Variants in APOH observed in about 807,000 individuals in gnomAD.
APOH encodes the protein apolipoprotein H.
Under a neutral mutation model 39.8 loss-of-function variants are expected in APOH, and 48 were observed. The ratio of observed to expected loss-of-function variants is 1.21; its 90% CI spans 0.96 to 1.54. The LOEUF (loss-of-function observed/expected upper bound fraction) is 1.54. Ranked by LOEUF, APOH falls within the 40% of genes most tolerant of loss-of-function variation. The probability of loss-of-function intolerance (pLI) is 0.00; values close to 1 mark genes in which losing one functional copy is unlikely to be tolerated. For synonymous variants in APOH, 153 were observed against 151.1 expected (o/e 1.01, Z -0.09); for missense variants, 415 against 421.2 (o/e 0.99, Z 0.13).
At chr17:66,227,876 C>A in intron 2 of APOH, 144 bp downstream of exon 2, 1 of 790,130 alleles carries the variant, frequency 1.3e-6, no homozygotes, top group South Asian at 1.8e-5. Flanking sequence ...GAGAACTCCC[C>A]AAGACCTTCT....
rs369169198 is a variant in APOH, at chr17:66,221,266, AAAGGAAGG to A, written c.416-532_416-525del. Among the ~76,000 whole-genome samples, 28 of 120,556 alleles carry A rather than the reference AAAGGAAGG, an allele frequency of 2.3e-4. No individual in the cohort carries two copies. In the East Asian group the frequency reaches 3.2e-3, roughly 14 times the overall value. The allele number at this position is 120,556 out of a possible 152,430, so 79.1% of individuals were successfully genotyped here. ...CAGAAAGAAAGAGAGAGAGAGAAAG[AAAGGAAGG>A]AAGGAAGGAAGGAAGGAAGTCAGAA... On this transcript the variant is annotated intron_variant, in intron 4 of 7. Transcript: ENST00000205948.
chr17:66,214,164 A>AT (rs1453434912), intron 7 of APOH, among the ~76,000 whole-genome samples: 1 of 152,094 alleles, frequency 6.6e-6, no homozygotes, highest in Non-Finnish European at 1.5e-5. Flanking sequence ...GGTTCAAGTG[A>AT]TGCTCCTGCC....
Position 66,214,516 on chromosome 17 carries a change from A to G in APOH, c.919T>C (p.Cys307Arg). The part of the protein sequence containing the change: ...SFFCKNKEKK[C>R]SYTEDAQCID... ...CACTGAGCATCCTCTGTATAGCTAC[A>G]CTTCTTTTCCTTATTTTTGCAGAAG... Residue 307 changes from cysteine (C) to arginine (R), a missense_variant, in exon 7 of 8, where the codon TGT (cysteine) becomes CGT (arginine). Around this residue, in one of 3 missense-constraint regions of APOH, gnomAD observed 120 missense variants for 110.6 expected, o/e 1.08. Coordinates refer to ENST00000205948, the MANE Select transcript of APOH (RefSeq NM_000042.3). 1 of 1,614,080 alleles carries G rather than the reference A, an allele frequency of 6.2e-7. No homozygotes were observed.
chr17:66,220,892 C>T, intron 4 of APOH, 150 bp from the exon 5 acceptor site: 1 of 839,968 alleles, frequency 1.2e-6, no homozygotes, highest in South Asian at 2.0e-5. Flanking sequence ...TTGTGGATGC[C>T]TAATAGGAAA....
chr17:66,219,212 G>T (rs1242559114), intron 5 of APOH, among the ~76,000 whole-genome samples: 2 of 151,994 alleles, frequency 1.3e-5, no homozygotes, highest in Non-Finnish European at 2.9e-5. Flanking sequence ...GATTATTATT[G>T]TTAATAATCC....
At position 66,223,738 on chromosome 17, in the gene APOH, A is replaced by G. The variant is rs2073417537; in HGVS notation, c.375T>C (p.Thr125=). ...YLNGADSAKC[T]EEGKWSPELP... is the part of the protein sequence containing the mutation. ...GCTCCGGGCTCCATTTTCCTTCCTC[A>G]GTGCACTTGGCAGAATCAGCGCCAT... Residue 125 remains threonine (T), a synonymous_variant, in exon 4 of 8, where the codon ACT becomes ACC. Coordinates refer to ENST00000205948, the MANE Select transcript of APOH (RefSeq NM_000042.3). The G allele has an allele frequency of 6.2e-7, 1 of 1,614,168 alleles. No individual in the cohort carries two copies. Among genetic ancestry groups the G allele is most frequent in the Non-Finnish European group, 8.5e-7 (1 of 1,180,020 alleles).
At chr17:66,228,264 C>A in intron 1 of APOH, 68 bp from the exon 2 acceptor site, 3 of 1,530,184 alleles carry the variant, frequency 2.0e-6, no homozygotes, top group Admixed American at 1.9e-5. Context: ...GCTAAGCCCA[C>A]AAATGAAAAA....
chr17:66,225,003 G>T (rs1465953978), intron 3 of APOH, among the ~76,000 whole-genome samples: 1 of 151,578 alleles, frequency 6.6e-6, no homozygotes, highest in Non-Finnish European at 1.5e-5. Context: ...GGAGGTGGAG[G>T]TTGCAGTGAG....
At chr17:66,228,309 T>G in intron 1 of APOH, 113 bp from the exon 2 acceptor site, 2 of 1,126,508 alleles carry the variant, frequency 1.8e-6, no homozygotes, top group Non-Finnish European at 2.5e-6. Flanking sequence ...GCATACCAAG[T>G]TGCATGCCAA....
chr17:66,216,868 T>A lies in APOH; in HGVS notation c.704A>T (p.His235Leu), dbSNP rs1258068450. The stretch of plus-strand genomic sequence containing the variant: ...CGGGCCATCCAGAGAATATCCATCA[T>A]GGCAGCCAAATGTGGCTTTATCCTT... ...YYKDKATFGCHDGYSLDGPEE... is the reference protein window; with the variant it reads ...YYKDKATFGCLDGYSLDGPEE... Residue 235 changes from histidine (H) to leucine (L), a missense_variant, in exon 6 of 8, where the codon CAT (histidine) becomes CTT (leucine). Coordinates refer to ENST00000205948, the MANE Select transcript of APOH (RefSeq NM_000042.3). The A allele has an allele frequency of 1.2e-6, 2 of 1,613,378 alleles. No homozygotes were observed. The highest frequency in any genetic ancestry group is 2.7e-5 in the African/African-American group (2 of 74,932).
chr17:66,228,221 G>A (rs1200183212), intron 1 of APOH, 25 bp from the exon 2 acceptor site: 10 of 1,596,338 alleles, frequency 6.3e-6, no homozygotes, highest in Non-Finnish European at 7.7e-6. Context: ...AAAGCAGATG[G>A]TTAACAAATC....
chr17:66,223,571 A>G, intron 4 of APOH, 127 bp downstream of exon 4: 1 of 775,402 alleles, frequency 1.3e-6, no homozygotes, highest in Non-Finnish European at 2.2e-6. Flanking sequence ...CAGGATGAAT[A>G]TCCCCCACAA....
intron 7 of APOH, 107 bp downstream of exon 7, chr17:66,214,346 A>C: frequency 9.2e-7 from 1 of 1,091,898 alleles, no homozygotes; most frequent in Non-Finnish European, 1.4e-6. Context: ...GGCGTGACCC[A>C]CCGCACCTGG....
rs1350176353 is a variant in APOH at position 66,228,139 on chromosome 17, T to C, written c.122A>G (p.Tyr41Cys). The C allele has an allele frequency of 1.9e-5, 30 of 1,614,060 alleles. No individual in the cohort carries two copies. The highest frequency in any genetic ancestry group is 1.6e-4 in the Middle Eastern group (1 of 6,084). Reference protein sequence around the residue: ...FSTVVPLKTFYEPGEEITYSC... With the variant: ...FSTVVPLKTFCEPGEEITYSC... ...ATACGTAATCTCTTCTCCTGGCTCA[T>C]AGAATGTTTTTAACGGGACCACTGT... Residue 41 changes from tyrosine (Y) to cysteine (C), a missense_variant, in exon 2 of 8, where the codon TAT (tyrosine) becomes TGT (cysteine). Tyr to Cys is a radical substitution (Grantham distance 194). This residue lies in a region of APOH where 288 missense variants were observed against 284.9 expected (regional missense o/e 1.01). Coordinates refer to ENST00000205948, the MANE Select transcript of APOH (RefSeq NM_000042.3).
At chr17:66,216,018 A>G (rs1469129836) in intron 6 of APOH, among the ~76,000 whole-genome samples, 1 of 152,026 alleles carries the variant, frequency 6.6e-6, no homozygotes, top group East Asian at 1.9e-4. Context: ...GGTTTTTGCA[A>G]TGAGAAGAGC....
chr17:66,216,391 G>A (rs2073365616), intron 6 of APOH, among the ~76,000 whole-genome samples: 1 of 151,820 alleles, frequency 6.6e-6, no homozygotes, highest in South Asian at 2.1e-4. Context: ...GGCTGAGGTA[G>A]GAGAATTGCT....
chr17:66,224,725 A>G (rs2073427968), intron 3 of APOH, among the ~76,000 whole-genome samples: 1 of 136,926 alleles, frequency 7.3e-6, no homozygotes, highest in Non-Finnish European at 1.6e-5. Context: ...AAGGAAAGGA[A>G]AGGAAAGGAA....
intron 2 of APOH, among the ~76,000 whole-genome samples, chr17:66,226,804 C>A (rs1358036579): frequency 6.6e-6 from 1 of 151,854 alleles, no homozygotes; most frequent in Non-Finnish European, 1.5e-5. Flanking sequence ...CTGCTCTCTG[C>A]AGTAATGCAA....
At chr17:66,219,173 C>T (rs1398958474) in intron 5 of APOH, among the ~76,000 whole-genome samples, 11 of 152,010 alleles carry the variant, frequency 7.2e-5, no homozygotes, top group Admixed American at 5.2e-4. Flanking sequence ...TGCATGATAT[C>T]GTTGTTGTTA....
Sources: gnomAD v4.1 joint callset for allele counts (sites outside exome capture counted in the v4.1 genomes callset) on GRCh38, gnomAD v4.1.1 for gene constraint, gnomAD v4.1.1 regional missense constraint, MANE v1.5 for transcripts, NCBI Gene and HGNC (gene_info 2026-07-23, HGNC 2026-07-21) for gene names.